The following EEF1AKMT2 variants were observed in gnomAD, a reference collection of about 807,000 sequenced individuals.
EEF1AKMT2 encodes the protein eukaryotic translation elongation factor 1 alpha lysine methyltransferase 2.
Under a neutral mutation model 35.8 loss-of-function variants are expected in EEF1AKMT2, and 32 were observed. The ratio of observed to expected loss-of-function variants is 0.89; its 90% CI spans 0.67 to 1.20. The LOEUF is 1.20. EEF1AKMT2 is among the 50% of genes most tolerant of loss of function. The pLI is 0.00. For missense variants in EEF1AKMT2, 330 were observed against 347.5 expected (o/e 0.95, Z 0.40); for synonymous variants, 121 against 133.7 (o/e 0.91, Z 0.65).
At chr10:124,787,239 C>T (rs990252624) in intron 3 of EEF1AKMT2, among the ~76,000 whole-genome samples, 13 of 152,098 alleles carry the variant, frequency 8.5e-5, no homozygotes, top group African/African-American at 2.6e-4. Flanking sequence ...TGAGCCACAG[C>T]GCCCAGCCAC....
intron 3 of EEF1AKMT2, among the ~76,000 whole-genome samples, chr10:124,788,710 T>A (rs1373096605): frequency 3.2e-5 from 3 of 92,506 alleles, no homozygotes; most frequent in East Asian, 3.5e-4. Context: ...AAGGTCATCT[T>A]TATATATATA....
intron 4 of EEF1AKMT2, among the ~76,000 whole-genome samples, chr10:124,772,218 C>T (rs1352290423): frequency 6.6e-6 from 1 of 152,102 alleles, no homozygotes; most frequent in Non-Finnish European, 1.5e-5. Context: ...CAGGCACTGA[C>T]TTCTCCTCTC....
intron 4 of EEF1AKMT2, among the ~76,000 whole-genome samples, chr10:124,768,997 G>A (rs945519079): frequency 6.6e-6 from 1 of 150,866 alleles, no homozygotes; most frequent in Non-Finnish European, 1.5e-5. Flanking sequence ...GGAAAGCAGA[G>A]GCAGGCAGAT....
chr10:124,781,058 G>A (rs1319759467), intron 3 of EEF1AKMT2, among the ~76,000 whole-genome samples: 1 of 151,742 alleles, frequency 6.6e-6, no homozygotes, highest in East Asian at 2.0e-4. Flanking sequence ...CTATTCCCCT[G>A]CCTCAGTCTC....
intron 3 of EEF1AKMT2, among the ~76,000 whole-genome samples, chr10:124,788,831 G>T (rs1203934441): frequency 1.3e-5 from 2 of 150,360 alleles, no homozygotes; most frequent in African/African-American, 4.9e-5. Flanking sequence ...CTTACTCAAG[G>T]TTAAGACTAT....
At chr10:124,770,557 GGCTGGGGTA>G (rs1950423172) in intron 4 of EEF1AKMT2, among the ~76,000 whole-genome samples, 2 of 152,204 alleles carry the variant, frequency 1.3e-5, no homozygotes, top group African/African-American at 4.8e-5. Flanking sequence ...GGTTGCTGAA[GGCTGGGGTA>G]GCTGTGAAAA....
intron 5 of EEF1AKMT2, 44 bp from the exon 6 acceptor site, chr10:124,762,602 A>C: frequency 9.7e-7 from 1 of 1,034,028 alleles, no homozygotes; most frequent in Non-Finnish European, 1.2e-6. Context: ...AAACAGAAAT[A>C]AAAATTATAT....
intron 1 of EEF1AKMT2, among the ~76,000 whole-genome samples, chr10:124,791,480 C>T (rs1376496192): frequency 6.6e-6 from 1 of 152,186 alleles, no homozygotes; most frequent in Non-Finnish European, 1.5e-5. Flanking sequence ...GGAGCCAAAG[C>T]CTGTCCCGCA....
intron 4 of EEF1AKMT2, among the ~76,000 whole-genome samples, chr10:124,772,331 G>A (rs775541924): frequency 6.6e-5 from 10 of 151,440 alleles, no homozygotes; most frequent in Non-Finnish European, 1.3e-4. Context: ...TTATTTCCTA[G>A]CTAACTTGCT....
intron 4 of EEF1AKMT2, among the ~76,000 whole-genome samples, chr10:124,772,956 T>A (rs1436272894): frequency 1.3e-5 from 2 of 152,256 alleles, no homozygotes; most frequent in South Asian, 2.1e-4. Flanking sequence ...TCATCATTCA[T>A]GTGTTCACTG....
intron 3 of EEF1AKMT2, 74 bp from the exon 4 acceptor site, chr10:124,774,856 T>G: frequency 3.1e-6 from 2 of 649,542 alleles, no homozygotes; most frequent in Non-Finnish European, 2.3e-6. Context: ...TAATATTCCT[T>G]TAGGACTGGT....
chr10:124,769,009 G>GT (rs1186765024), intron 4 of EEF1AKMT2, among the ~76,000 whole-genome samples: 6 of 150,496 alleles, frequency 4.0e-5, no homozygotes, highest in Non-Finnish European at 7.4e-5. Context: ...CAGGCAGATT[G>GT]TTTGAGGCCA....
chr10:124,769,387 A>C (rs1393419864), intron 4 of EEF1AKMT2, among the ~76,000 whole-genome samples: 2 of 151,564 alleles, frequency 1.3e-5, no homozygotes, highest in African/African-American at 4.8e-5. Context: ...AGACTGGGGA[A>C]ATCAGGTCTG....
chr10:124,786,302 C>G (rs1193863536), intron 3 of EEF1AKMT2, among the ~76,000 whole-genome samples: 1 of 151,758 alleles, frequency 6.6e-6, no homozygotes, highest in Non-Finnish European at 1.5e-5. Flanking sequence ...GTCAGGAGAT[C>G]GAGACCATCC....
chr10:124,774,921 A>C, intron 3 of EEF1AKMT2, 139 bp from the exon 4 acceptor site: 1 of 353,182 alleles, frequency 2.8e-6, no homozygotes, highest in Non-Finnish European at 5.1e-6. Flanking sequence ...CATAATGCTT[A>C]AATTTTATTG....
At position 124,759,077 on chromosome 10, in the gene EEF1AKMT2, A is replaced by G. The variant is rs946488790; in HGVS notation, c.*1426T>C. 13 of 152,164 alleles carry G rather than the reference A, an allele frequency of 8.5e-5. No homozygotes were observed. The highest frequency in any genetic ancestry group is 7.9e-4 in the Admixed American group (12 of 15,268). The allele number at this position is 152,164 out of a possible 1,614,324, so 9.4% of individuals were successfully genotyped here. On this transcript the variant is annotated 3_prime_UTR_variant, in exon 7 of 7. Coordinates refer to ENST00000368836, the MANE Select transcript of EEF1AKMT2 (RefSeq NM_212554.4). ...ACAGGAGTAACATTTGCCAAACAAA[A>G]AGTCACTTATGTAACCCAATAGGCC...
At position 124,774,796 on chromosome 10, in the gene EEF1AKMT2, A is replaced by G. The variant is rs772894944; in HGVS notation, c.292-14T>C. The G allele has an allele frequency of 8.1e-7, 1 of 1,235,268 alleles. No individual in the cohort carries two copies. The highest frequency in any genetic ancestry group is 1.9e-5 in the South Asian group (1 of 53,980). 76.5% of individuals were successfully genotyped at this position (1,235,268 alleles called of 1,614,324 possible). A position where few individuals can be genotyped will look rare whatever the true frequency, so the allele number is the denominator to read the frequency against. On this transcript the variant is annotated splice_polypyrimidine_tract_variant and intron_variant, in intron 3 of 6. Coordinates refer to ENST00000368836, the MANE Select transcript of EEF1AKMT2 (RefSeq NM_212554.4). ...ACCAAATTTTGCCTAGAGAGAAATA[A>G]TTTTATACTTTAGTATAAAATTTTA...
At chr10:124,791,257 T>A (rs954765289) in intron 1 of EEF1AKMT2, among the ~76,000 whole-genome samples, 4 of 151,486 alleles carry the variant, frequency 2.6e-5, no homozygotes, top group Admixed American at 1.3e-4. Flanking sequence ...GATCCCCCAC[T>A]ATCTCCCCGC....
intron 3 of EEF1AKMT2, among the ~76,000 whole-genome samples, chr10:124,785,426 C>T (rs1950576340): frequency 6.6e-6 from 1 of 152,010 alleles, no homozygotes; most frequent in Non-Finnish European, 1.5e-5. Context: ...AACTGCTCTT[C>T]AGAAGATACT....
Sources: allele counts gnomAD v4.1 joint callset (sites outside exome capture counted in the v4.1 genomes callset), GRCh38; gene constraint gnomAD v4.1.1; transcripts MANE v1.5; gene names NCBI Gene and HGNC (gene_info 2026-07-23, HGNC 2026-07-21).